Variants in RFC3 observed in about 807,000 individuals in gnomAD.
RFC3 encodes A1 38 kDa subunit.
In RFC3, 41 loss-of-function variants were observed where a neutral mutation model predicts 45.1. The observed-to-expected ratio is 0.91, with a 90% CI of 0.71 to 1.18. The LOEUF (loss-of-function observed/expected upper bound fraction) is 1.18. Ranked by LOEUF, RFC3 falls within the 50% of genes most tolerant of loss-of-function variation. The pLI, the probability that RFC3 is intolerant of heterozygous loss-of-function variation, is 0.00. For missense variants in RFC3, 423 were observed against 428.1 expected (o/e 0.99, Z 0.10); for synonymous variants, 149 against 144.0 (o/e 1.03, Z -0.25).
chr13:33,936,401 G>A (rs969639723), intron 8 of RFC3, among the ~76,000 whole-genome samples: 6 of 151,848 alleles, frequency 4.0e-5, no homozygotes, highest in Non-Finnish European at 5.9e-5. Context: ...GTTGAATTTT[G>A]TACCCCCCAA....
chr13:33,858,603 GCACCTGATA>G (rs1352001008), intron 8 of RFC3, among the ~76,000 whole-genome samples: 1 of 152,082 alleles, frequency 6.6e-6, no homozygotes, highest in Non-Finnish European at 1.5e-5. Context: ...TTTCCTAGAG[GCACCTGATA>G]CACTTTTACT....
chr13:33,897,648 C>T (rs1260958944), intron 8 of RFC3, among the ~76,000 whole-genome samples: 1 of 151,928 alleles, frequency 6.6e-6, no homozygotes, highest in African/African-American at 2.4e-5. Context: ...AAACAAGACC[C>T]AACTGTATGC....
At chr13:33,882,085 T>C in intron 8 of RFC3, among the ~76,000 whole-genome samples, 1 of 152,230 alleles carries the variant, frequency 6.6e-6, no homozygotes, top group Non-Finnish European at 1.5e-5. Flanking sequence ...TTTGAAATAA[T>C]TTTAGACTAC....
chr13:33,855,887 G>A (rs1447205269), intron 8 of RFC3, among the ~76,000 whole-genome samples: 2 of 152,116 alleles, frequency 1.3e-5, no homozygotes, highest in Admixed American at 1.3e-4. Flanking sequence ...CTGATGCATA[G>A]TTTGCAAAAA....
chr13:33,874,317 T>A, intron 8 of RFC3, among the ~76,000 whole-genome samples: 1 of 152,044 alleles, frequency 6.6e-6, no homozygotes. Context: ...TTTTGTTTGT[T>A]TTTTTGTTGT....
At chr13:33,944,668 C>A (rs116015419) in intron 8 of RFC3, among the ~76,000 whole-genome samples, 1,525 of 152,152 alleles carry the variant, frequency 0.01, 31 homozygotes, top group African/African-American at 0.035. Context: ...ACATTTAAAT[C>A]ATTTTGTTTG....
At chr13:33,863,876 G>C (rs2082357149) in intron 8 of RFC3, among the ~76,000 whole-genome samples, 1 of 152,152 alleles carries the variant, frequency 6.6e-6, no homozygotes, top group African/African-American at 2.4e-5. Context: ...CTCTCCCGAG[G>C]TTTTTGTCAT....
chr13:33,886,033 T>C (rs556067852), intron 8 of RFC3, among the ~76,000 whole-genome samples: 22 of 147,032 alleles, frequency 1.5e-4, no homozygotes, highest in Non-Finnish European at 3.4e-4. Flanking sequence ...AAAAAAAGCT[T>C]AAAAAAGACA....
At chr13:33,840,910 A>G (rs912524164), downstream of RFC3, among the ~76,000 whole-genome samples, 1 of 152,184 alleles carries the variant, frequency 6.6e-6, no homozygotes, top group Non-Finnish European at 1.5e-5. Flanking sequence ...ACAAACTCAG[A>G]CCATACATGG....
Position 33,829,889 on chromosome 13 carries a change from C to T in RFC3, c.445C>T (p.Arg149Ter), listed in dbSNP as rs1473470348. ...KLTKDAQHAL[R>*]RTMEKYMSTC... ...CACCAAAGATGCTCAGCATGCCTTG[C>T]GAAGAACCATGGAAAAATATATGTC... The change falls in exon 5 of 9, where the codon CGA becomes TGA. Residue 149 changes from arginine to a stop codon, truncating the protein, a stop_gained. Transcript: ENST00000380071. LOFTEE classifies it high-confidence loss of function. 8 of 1,613,970 alleles carry T rather than the reference C, an allele frequency of 5.0e-6. No individual in the cohort carries two copies. The highest frequency in any genetic ancestry group is 6.8e-6 in the Non-Finnish European group (8 of 1,179,868).
Position 33,935,209 on chromosome 13 carries a change from T to C in RFC3, c.880-30878T>C, listed in dbSNP as rs532437742. Among the ~76,000 whole-genome samples, 4 of 152,264 alleles carry C rather than the reference T, an allele frequency of 2.6e-5. No homozygotes were observed. In the East Asian group the frequency reaches 7.7e-4, roughly 29 times the overall value. ...TTTCCATTGAGATTCTGGAAATGAT[T>C]ATGAGGAAACAACTGAGGTTTTAGA... On this transcript the variant is annotated intron_variant, in intron 8 of 8. Transcript: ENST00000434425.
chr13:33,953,736 G>T (rs531471844), intron 8 of RFC3, among the ~76,000 whole-genome samples: 33 of 152,116 alleles, frequency 2.2e-4, no homozygotes, highest in African/African-American at 7.7e-4. Flanking sequence ...GACGTTTTTG[G>T]TTTGCCCAGT....
intron 8 of RFC3, among the ~76,000 whole-genome samples, chr13:33,865,660 G>A (rs557334595): frequency 1.3e-5 from 2 of 152,296 alleles, no homozygotes; most frequent in African/African-American, 4.8e-5. Flanking sequence ...TGGATTCAAT[G>A]TACTAGACCA....
intron 8 of RFC3, chr13:33,835,552 C>A: frequency 4.2e-6 from 2 of 479,010 alleles, no homozygotes; most frequent in South Asian, 1.7e-5. Context: ...AAGTGAAGTT[C>A]CACCCATCCG....
At chr13:33,847,880 G>A (rs1289225547) in intron 8 of RFC3, 1 of 152,136 alleles carries the variant, frequency 6.6e-6, no homozygotes, top group African/African-American at 2.4e-5. Context: ...GTTTCCCTGA[G>A]ACAAATATTC....
In RFC3 at chr13:33,818,158, C is replaced by T. The variant is rs774626588; in HGVS notation, c.-21C>T. The T allele has an allele frequency of 1.9e-6, 3 of 1,602,638 alleles. No homozygotes were observed. The highest frequency in any genetic ancestry group is 2.2e-5 in the East Asian group (1 of 44,584). On this transcript the variant is annotated 5_prime_UTR_variant, in exon 1 of 9. Transcript: ENST00000380071. Reference sequence around the variant, plus strand: ...CTCGCGCGGGATTTTCAAGCGTAGGCCCCCGGGAACTCGAGCTGCCATGAG... The same window carrying T: ...CTCGCGCGGGATTTTCAAGCGTAGGTCCCCGGGAACTCGAGCTGCCATGAG...
chr13:33,821,986 T>C (rs935032116), intron 2 of RFC3, among the ~76,000 whole-genome samples: 15 of 152,236 alleles, frequency 9.9e-5, no homozygotes, highest in African/African-American at 3.6e-4. Flanking sequence ...CATATATTCA[T>C]TTTCATATCC....
intron 8 of RFC3, among the ~76,000 whole-genome samples, chr13:33,878,972 A>G (rs1344740981): frequency 6.6e-6 from 1 of 152,126 alleles, no homozygotes; most frequent in African/African-American, 2.4e-5. Flanking sequence ...AATTTTCAGA[A>G]GGTTTAGAAG....
intron 8 of RFC3, among the ~76,000 whole-genome samples, chr13:33,949,177 A>G (rs1333308185): frequency 6.6e-6 from 1 of 152,120 alleles, no homozygotes; most frequent in Non-Finnish European, 1.5e-5. Context: ...TGCTGCCCTC[A>G]TGATAATGAG....
Sources: gnomAD v4.1 joint callset for allele counts (sites outside exome capture counted in the v4.1 genomes callset) on GRCh38, gnomAD v4.1.1 for gene constraint, MANE v1.5 for transcripts, NCBI Gene and HGNC (gene_info 2026-07-23, HGNC 2026-07-21) for gene names.